Variants in TRMT9B observed in about 807,000 individuals in gnomAD.
TRMT9B encodes the protein tRNA methyltransferase 9B (putative).
In TRMT9B, 16 loss-of-function variants were observed where a neutral mutation model predicts 11.5. The observed-to-expected ratio is 1.39, with a 90% CI of 0.94 to 2.11. TRMT9B has a LOEUF of 2.11. TRMT9B is among the 30% of genes most tolerant of loss of function. The probability of loss-of-function intolerance (pLI) is 0.00; values close to 1 mark genes in which losing one functional copy is unlikely to be tolerated. For missense variants in TRMT9B, 941 were observed against 553.8 expected (o/e 1.70, Z -7.02); for synonymous variants, 274 against 192.4 (o/e 1.42, Z -3.51).
chr8:12,989,784 G>A (rs1447329791), intron 1 of TRMT9B, among the ~76,000 whole-genome samples: 1 of 152,158 alleles, frequency 6.6e-6, no homozygotes, highest in Non-Finnish European at 1.5e-5. Context: ...CTCTAAAATT[G>A]CATGAGGAAA....
intron 1 of TRMT9B, among the ~76,000 whole-genome samples, chr8:12,980,409 C>G (rs76243364): frequency 8.2e-5 from 12 of 146,958 alleles, no homozygotes; most frequent in Non-Finnish European, 1.4e-4. Context: ...ACCCTTTTTT[C>G]CAAATAAGGT....
At chr8:12,963,637 A>T (rs1310918031) in intron 1 of TRMT9B, among the ~76,000 whole-genome samples, 1 of 150,908 alleles carries the variant, frequency 6.6e-6, no homozygotes, top group African/African-American at 2.4e-5. Context: ...AGTTCTAGCT[A>T]CTCGGGAGGC....
In TRMT9B at chr8:13,001,738, C is replaced by T. The variant is rs114699464; in HGVS notation, c.-1-4464C>T. ...CTTTTCTCCAAGATTTTTCAAAACT[C>T]ATAGTGTGCTGGTGTGCATTTTGAA... is the stretch of plus-strand genomic sequence containing the variant. On this transcript the variant is annotated intron_variant, in intron 2 of 4. Transcript: ENST00000524591. 2.7e-3 allele frequency among the ~76,000 whole-genome samples: 418 copies of T among 152,110 alleles called. 1 individual carries two copies. Among genetic ancestry groups the T allele is most frequent in the African/African-American group, 9.8e-3 (406 of 41,542 alleles).
At chr8:12,970,421 G>T (rs924810946) in intron 1 of TRMT9B, among the ~76,000 whole-genome samples, 1 of 152,168 alleles carries the variant, frequency 6.6e-6, no homozygotes, top group African/African-American at 2.4e-5. Flanking sequence ...TGTGGCAGGT[G>T]CCTTCCTCTT....
intron 1 of TRMT9B, among the ~76,000 whole-genome samples, chr8:12,986,222 C>T (rs376833601): frequency 9.2e-5 from 14 of 152,280 alleles, no homozygotes; most frequent in African/African-American, 3.4e-4. Flanking sequence ...TGTTGTCCTT[C>T]AGTTACCACA....
chr8:12,957,516 A>C (rs888601793), intron 1 of TRMT9B, among the ~76,000 whole-genome samples: 3 of 152,224 alleles, frequency 2.0e-5, no homozygotes, highest in Non-Finnish European at 4.4e-5. Flanking sequence ...TTGCATACAA[A>C]GATGGTAATT....
At chr8:12,975,747 TAAAAATA>T (rs1036017184) in intron 1 of TRMT9B, among the ~76,000 whole-genome samples, 2 of 151,576 alleles carry the variant, frequency 1.3e-5, no homozygotes, top group Non-Finnish European at 2.9e-5. Context: ...AAAATAAAAA[TAAAAATA>T]AAAATAAAAA....
chr8:13,009,301 G>A (rs1451220772), intron 3 of TRMT9B, among the ~76,000 whole-genome samples: 1 of 151,974 alleles, frequency 6.6e-6, no homozygotes, highest in Non-Finnish European at 1.5e-5. Flanking sequence ...TGGTTAAAAG[G>A]CTCAGAGTAT....
At chr8:13,002,691 T>C (rs1295944710) in intron 2 of TRMT9B, among the ~76,000 whole-genome samples, 2 of 152,334 alleles carry the variant, frequency 1.3e-5, no homozygotes, top group East Asian at 3.9e-4. Context: ...CATTCGGTGA[T>C]ACTTGTAGTA....
At position 12,990,859 on chromosome 8, in the gene TRMT9B, C is replaced by T. The variant is rs762638089; in HGVS notation, c.-174C>T. The T allele has an allele frequency of 4.3e-5, 56 of 1,289,484 alleles. No homozygotes were observed. Among genetic ancestry groups the T allele is most frequent in the Admixed American group, 1.6e-4 (7 of 43,526 alleles). The allele number at this position is 1,289,484 out of a possible 1,614,324, so 79.9% of individuals were successfully genotyped here. ...GGCCTGTGCTTCCTTCAGAGACTCA[C>T]ACAAGAGGTTTATCATGAGAAGGAC... On this transcript the variant is annotated 5_prime_UTR_variant, in exon 2 of 5. Coordinates refer to ENST00000524591, the MANE Select transcript of TRMT9B (RefSeq NM_020844.3).
Position 13,003,700 on chromosome 8 carries a change from T to G in TRMT9B, c.-1-2502T>G, listed in dbSNP as rs150884282. Reference sequence around the variant, plus strand: ...AAGCTATAAAATGCCTCTGAAGAAGTTGAAGGTAAGAACTGAGGGGGATAG... The same window carrying G: ...AAGCTATAAAATGCCTCTGAAGAAGGTGAAGGTAAGAACTGAGGGGGATAG... On this transcript the variant is annotated intron_variant, in intron 2 of 4. Coordinates refer to ENST00000524591, the MANE Select transcript of TRMT9B (RefSeq NM_020844.3). 2.2e-4 allele frequency among the ~76,000 whole-genome samples: 33 copies of G among 151,290 alleles called. 1 individual carries two copies. The highest frequency in any genetic ancestry group is 5.6e-4 in the African/African-American group (23 of 41,204).
At chr8:12,955,184 T>C (rs1801136046) in intron 1 of TRMT9B, among the ~76,000 whole-genome samples, 1 of 152,178 alleles carries the variant, frequency 6.6e-6, no homozygotes, top group Admixed American at 6.5e-5. Context: ...TCCTATAGCA[T>C]AGAGTATAGA....
intron 1 of TRMT9B, among the ~76,000 whole-genome samples, chr8:12,972,892 A>C (rs1266815823): frequency 6.6e-6 from 1 of 152,238 alleles, no homozygotes; most frequent in Non-Finnish European, 1.5e-5. Flanking sequence ...CGTTAAATAC[A>C]TTAACAGTCT....
chr8:12,993,492 T>A (rs1807748568), intron 2 of TRMT9B, among the ~76,000 whole-genome samples: 1 of 152,120 alleles, frequency 6.6e-6, no homozygotes, highest in South Asian at 2.1e-4. Context: ...CCCATCTTTA[T>A]GAATATATTA....
rs1815139688 is a variant in TRMT9B at position 13,029,647 on chromosome 8, CTGTTA to C, written c.*7605_*7609del. The C allele has an allele frequency of 6.3e-6, 1 of 159,230 alleles. No individual in the cohort carries two copies. Among genetic ancestry groups the C allele is most frequent in the Non-Finnish European group, 1.5e-5 (1 of 68,082 alleles). The allele number at this position is 159,230 out of a possible 1,614,324, so 9.9% of individuals were successfully genotyped here. A position where few individuals can be genotyped will look rare whatever the true frequency, so the allele number is the denominator to read the frequency against. On this transcript the variant is annotated 3_prime_UTR_variant, in exon 5 of 5. Transcript: ENST00000524591. ...AACGGGGCAAGTTCGTATTTGAATT[CTGTTA>C]TATTTATCTAAGGGAAGCAAAATTA...
At chr8:13,017,913 C>T (rs542696937) in intron 4 of TRMT9B, among the ~76,000 whole-genome samples, 4 of 151,786 alleles carry the variant, frequency 2.6e-5, no homozygotes, top group African/African-American at 4.8e-5. Context: ...TGTGAGGCAC[C>T]ATCCGTGGCC....
At chr8:12,970,970 G>C (rs1803532429) in intron 1 of TRMT9B, among the ~76,000 whole-genome samples, 1 of 152,122 alleles carries the variant, frequency 6.6e-6, no homozygotes, top group South Asian at 2.1e-4. Flanking sequence ...GAAAGTATCT[G>C]TATTTCTTCA....
In TRMT9B at chr8:13,028,869, G is replaced by A. The variant is rs1299134906; in HGVS notation, c.*6825G>A. ...GATTTTCTATTAATGTACAAGGAGG[G>A]ACTCCACTACTAAAGTTTGTTTTAC... On this transcript the variant is annotated 3_prime_UTR_variant, in exon 5 of 5. Coordinates refer to ENST00000524591, the MANE Select transcript of TRMT9B (RefSeq NM_020844.3). The A allele has an allele frequency of 6.0e-6, 1 of 166,850 alleles. No individual in the cohort carries two copies. The highest frequency in any genetic ancestry group is 1.5e-5 in the Non-Finnish European group (1 of 68,084). The allele number at this position is 166,850 out of a possible 1,614,324, so 10.3% of individuals were successfully genotyped here. A position where few individuals can be genotyped will look rare whatever the true frequency, so the allele number is the denominator to read the frequency against.
In TRMT9B at chr8:12,958,933, G is replaced by A. The variant is rs555376608; in HGVS notation, c.-200+12967G>A. 1.2e-4 allele frequency among the ~76,000 whole-genome samples: 19 copies of A among 152,208 alleles called. 1 individual carries two copies. In the South Asian group the frequency reaches 2.1e-3, roughly 17 times the overall value. On this transcript the variant is annotated intron_variant, in intron 1 of 4. Coordinates refer to ENST00000524591, the MANE Select transcript of TRMT9B (RefSeq NM_020844.3). ...CACAGGGCGGGGAACATCACACACCGGGGCTTGTCAGGGGTCGGGGGCTGT... is the reference window on the plus strand; with the variant it reads ...CACAGGGCGGGGAACATCACACACCAGGGCTTGTCAGGGGTCGGGGGCTGT...
Sources: gnomAD v4.1 joint callset for allele counts (sites outside exome capture counted in the v4.1 genomes callset) on GRCh38, gnomAD v4.1.1 for gene constraint, MANE v1.5 for transcripts, NCBI Gene and HGNC (gene_info 2026-07-23, HGNC 2026-07-21) for gene names.